The following UNC5D variants were observed in gnomAD, a reference collection of about 807,000 sequenced individuals.
UNC5D encodes unc-5 netrin receptor D.
UNC5D carries 39 observed loss-of-function variants against 105.4 expected under a neutral mutation model. That is an observed-to-expected ratio of 0.37 (90% CI 0.29 to 0.48). The LOEUF (loss-of-function observed/expected upper bound fraction) is 0.48, where lower values mean the gene tolerates loss of function less well. Among genes scored for constraint, UNC5D ranks in the 20% least tolerant of loss-of-function variants. UNC5D has a pLI of 0.98. For missense variants in UNC5D, 991 were observed against 1,202.4 expected, an observed-to-expected ratio of 0.82 and a Z score of 2.60; for synonymous variants, 452 against 450.4, an observed-to-expected ratio of 1.00 and a Z score of -0.04.
intron 1 of UNC5D, among the ~76,000 whole-genome samples, chr8:35,308,365 A>T (rs1808600609): frequency 6.6e-6 from 1 of 152,090 alleles, no homozygotes; most frequent in South Asian, 2.1e-4. Flanking sequence ...CTTACCTTGA[A>T]ACTATAGATA....
chr8:35,387,965 C>T (rs1188642521), intron 1 of UNC5D, among the ~76,000 whole-genome samples: 2 of 152,016 alleles, frequency 1.3e-5, no homozygotes, highest in African/African-American at 4.8e-5. Context: ...AAAATAATAC[C>T]AGGTTTCCCA....
chr8:35,445,465 C>T (rs944578864), intron 1 of UNC5D, among the ~76,000 whole-genome samples: 1 of 151,942 alleles, frequency 6.6e-6, no homozygotes, highest in Admixed American at 6.6e-5. Flanking sequence ...TCTGAGTTCC[C>T]TGTAAATGTT....
At chr8:35,414,718 C>T (rs1805420619) in intron 1 of UNC5D, among the ~76,000 whole-genome samples, 1 of 152,098 alleles carries the variant, frequency 6.6e-6, no homozygotes, top group Admixed American at 6.6e-5. Flanking sequence ...CTGACCTGGG[C>T]TGAGGTTTTA....
chr8:35,633,255 C>CT (rs1392037700), intron 4 of UNC5D, among the ~76,000 whole-genome samples: 1 of 152,200 alleles, frequency 6.6e-6, no homozygotes, highest in Non-Finnish European at 1.5e-5. Flanking sequence ...CAGCATATCT[C>CT]TACATGCTTG....
At chr8:35,236,494 C>A (rs1802477668) in intron 1 of UNC5D, among the ~76,000 whole-genome samples, 1 of 30,902 alleles carries the variant, frequency 3.2e-5, no homozygotes, top group African/African-American at 1.2e-4. Flanking sequence ...GCCTGCAGTG[C>A]CCAGCCGGGA....
intron 3 of UNC5D, among the ~76,000 whole-genome samples, chr8:35,582,267 T>C (rs1818509388): frequency 6.6e-6 from 1 of 152,176 alleles, no homozygotes; most frequent in African/African-American, 2.4e-5. Context: ...ATAGCTCCTA[T>C]TTCACCGCCA....
chr8:35,456,091 T>G (rs1808473696), intron 1 of UNC5D, among the ~76,000 whole-genome samples: 1 of 152,142 alleles, frequency 6.6e-6, no homozygotes, highest in South Asian at 2.1e-4. Context: ...TTCAGATAAT[T>G]TTTAAGGAGG....
intron 14 of UNC5D, among the ~76,000 whole-genome samples, chr8:35,766,620 T>C (rs1801780527): frequency 6.6e-6 from 1 of 152,208 alleles, no homozygotes; most frequent in African/African-American, 2.4e-5. Flanking sequence ...TTTCTAATTG[T>C]GTGTCACCAA....
intron 1 of UNC5D, among the ~76,000 whole-genome samples, chr8:35,331,718 C>G (rs1383664044): frequency 6.6e-6 from 1 of 152,136 alleles, no homozygotes; most frequent in Non-Finnish European, 1.5e-5. Flanking sequence ...TGAACAGAAT[C>G]ACATCAAACC....
At chr8:35,749,775 T>G (rs531751876) in intron 12 of UNC5D, among the ~76,000 whole-genome samples, 3 of 152,252 alleles carry the variant, frequency 2.0e-5, no homozygotes, top group Admixed American at 6.5e-5. Context: ...TCACAATCTC[T>G]TATACACAGA....
chr8:35,250,387 A>T (rs1162795160), intron 1 of UNC5D, among the ~76,000 whole-genome samples: 1 of 152,124 alleles, frequency 6.6e-6, no homozygotes, highest in African/African-American at 2.4e-5. Context: ...TATATTTTAG[A>T]TTCAGGGGGT....
chr8:35,565,796 T>C (rs1490918523), intron 2 of UNC5D, among the ~76,000 whole-genome samples: 1 of 152,230 alleles, frequency 6.6e-6, no homozygotes, highest in Non-Finnish European at 1.5e-5. Flanking sequence ...TGATCCAGTT[T>C]ACCCAGCACC....
chr8:35,310,938 T>C (rs547896851), intron 1 of UNC5D, among the ~76,000 whole-genome samples: 6 of 152,286 alleles, frequency 3.9e-5, no homozygotes, highest in African/African-American at 1.2e-4. Context: ...CATAGTTAGC[T>C]TTCAGAGACA....
At chr8:35,476,108 A>G (rs1810078496) in intron 1 of UNC5D, among the ~76,000 whole-genome samples, 1 of 152,222 alleles carries the variant, frequency 6.6e-6, no homozygotes, top group South Asian at 2.1e-4. Flanking sequence ...GCTATGTGCA[A>G]GCTGGAATAA....
chr8:35,647,532 A>G (rs944649615), intron 4 of UNC5D, among the ~76,000 whole-genome samples: 1 of 152,144 alleles, frequency 6.6e-6, no homozygotes, highest in African/African-American at 2.4e-5. Context: ...TCTTCATGTT[A>G]GGGAATAGGA....
At chr8:35,789,944 A>T (rs1802958900) in intron 16 of UNC5D, among the ~76,000 whole-genome samples, 3 of 150,666 alleles carry the variant, frequency 2.0e-5, no homozygotes, top group Admixed American at 1.3e-4. Flanking sequence ...AGTTCAAGGA[A>T]AGTGAGGACC....
intron 1 of UNC5D, among the ~76,000 whole-genome samples, chr8:35,349,018 T>A (rs1003211849): frequency 6.6e-6 from 1 of 151,960 alleles, no homozygotes; most frequent in African/African-American, 2.4e-5. Context: ...TGACGTTATT[T>A]AAAATTTTTG....
At chr8:35,248,842 T>A (rs1195634999) in intron 1 of UNC5D, among the ~76,000 whole-genome samples, 2 of 96,898 alleles carry the variant, frequency 2.1e-5, no homozygotes, top group African/African-American at 8.5e-5. Flanking sequence ...TTTAAAAATA[T>A]ATTTTATATA....
Position 35,683,634 on chromosome 8 carries a change from C to A in UNC5D, c.658C>A (p.Gln220Lys), listed in dbSNP as rs1390761572. The change falls in exon 5 of 17, where the codon CAG becomes AAG. Residue 220 changes from glutamine to lysine, a missense_variant. Coordinates refer to ENST00000404895, the MANE Select transcript of UNC5D (RefSeq NM_080872.4). ...TRADHNLIIR[Q>K]ARLSDSGNYT... is the part of the protein sequence containing the mutation. ...GGCTGACCATAACCTGATCATCAGG[C>A]AGGCACGGCTCTCGGACTCAGGAAA... The A allele has an allele frequency of 1.9e-6, 3 of 1,582,560 alleles. No homozygotes were observed. The highest frequency in any genetic ancestry group is 2.6e-6 in the Non-Finnish European group (3 of 1,169,058).
Sources: allele counts gnomAD v4.1 joint callset (sites outside exome capture counted in the v4.1 genomes callset), GRCh38; gene constraint gnomAD v4.1.1; transcripts MANE v1.5; gene names NCBI Gene and HGNC (gene_info 2026-07-23, HGNC 2026-07-21).